The following HAUS2 variants were observed in gnomAD, a reference collection of about 807,000 sequenced individuals.
The protein encoded by HAUS2 is HAUS augmin like complex subunit 2, also known as HAUS augmin-like complex subunit 2.
A neutral mutation model predicts 21.6 loss-of-function variants in HAUS2; 20 were observed. The ratio of observed to expected loss-of-function variants is 0.93; its 90% CI spans 0.65 to 1.35. The LOEUF is 1.35. HAUS2 is among the 40% of genes most tolerant of loss of function. The probability of loss-of-function intolerance (pLI) is 0.00; values close to 1 mark genes in which losing one functional copy is unlikely to be tolerated. For missense variants in HAUS2, 297 were observed against 280.7 expected, an observed-to-expected ratio of 1.06 and a Z score of -0.42; for synonymous variants, 113 against 95.6, an observed-to-expected ratio of 1.18 and a Z score of -1.06.
intron 1 of HAUS2, among the ~76,000 whole-genome samples, chr15:42,556,324 T>C (rs867914344): frequency 7.4e-6 from 1 of 135,706 alleles, no homozygotes; most frequent in Non-Finnish European, 1.5e-5. Context: ...TAGAGTGCAG[T>C]GGCAATCTCA....
chr15:42,553,680 T>A (rs1040127476), intron 1 of HAUS2, among the ~76,000 whole-genome samples: 3 of 152,212 alleles, frequency 2.0e-5, no homozygotes, highest in Non-Finnish European at 4.4e-5. Context: ...TTCTCTTGCA[T>A]GTTCTTAGCT....
At chr15:42,556,773 G>C (rs114268592) in intron 1 of HAUS2, among the ~76,000 whole-genome samples, 7,027 of 151,464 alleles carry the variant, frequency 0.046, 555 homozygotes, top group African/African-American at 0.16. Flanking sequence ...GGGAGGCTGA[G>C]GCGGGTGGAT....
intron 5 of HAUS2, among the ~76,000 whole-genome samples, chr15:42,565,630 T>G (rs1346960306): frequency 6.6e-6 from 1 of 152,142 alleles, no homozygotes; most frequent in Non-Finnish European, 1.5e-5. Context: ...GAATCTACGT[T>G]TTAACAAGTT....
intron 1 of HAUS2, among the ~76,000 whole-genome samples, chr15:42,550,316 G>A (rs1013088978): frequency 3.3e-4 from 49 of 146,886 alleles, no homozygotes; most frequent in Non-Finnish European, 6.3e-4. Context: ...CTACAAACAT[G>A]ATGGAAGATT....
At chr15:42,557,518 T>TACATTGTATATAATGTATATTAGATATA (rs2057800268) in intron 1 of HAUS2, among the ~76,000 whole-genome samples, 1 of 142,480 alleles carries the variant, frequency 7.0e-6, no homozygotes, top group African/African-American at 2.6e-5. Flanking sequence ...ATATATTATA[T>TACATTGTATATAATGTATATTAGATATA]ATATATGAAG....
rs748363048 is a variant in HAUS2 at position 42,566,672 on chromosome 15, C to T, written c.564C>T (p.Leu188=). Reference sequence around the variant, plus strand: ...CAGAAGAACTGGCAGAGAATATACTCAAGTGGCGTAAACAACAAAACGAAG... The same window carrying T: ...CAGAAGAACTGGCAGAGAATATACTTAAGTGGCGTAAACAACAAAACGAAG... ...TETEELAENI[L]KWRKQQNEVS... Residue 188 remains leucine (L), a synonymous_variant, in exon 6 of 6, where the codon CTC becomes CTT. Coordinates refer to ENST00000260372, the MANE Select transcript of HAUS2 (RefSeq NM_018097.3). The T allele has an allele frequency of 6.2e-7, 1 of 1,605,708 alleles. No individual in the cohort carries two copies. Among genetic ancestry groups the T allele is most frequent in the African/African-American group, 1.3e-5 (1 of 74,708 alleles).
chr15:42,565,262 G>C (rs1476234329), intron 5 of HAUS2, among the ~76,000 whole-genome samples: 1 of 152,222 alleles, frequency 6.6e-6, no homozygotes, highest in Non-Finnish European at 1.5e-5. Flanking sequence ...GGGGAAAAGT[G>C]ATACTCCACT....
At chr15:42,552,805 C>T (rs181625416) in intron 1 of HAUS2, among the ~76,000 whole-genome samples, 271 of 152,212 alleles carry the variant, frequency 1.8e-3, no homozygotes, top group Non-Finnish European at 2.3e-3. Context: ...GTGTCCTACT[C>T]TCCTCTATAC....
chr15:42,554,443 A>G (rs1431208570), intron 1 of HAUS2, among the ~76,000 whole-genome samples: 2 of 149,814 alleles, frequency 1.3e-5, no homozygotes, highest in African/African-American at 4.9e-5. Context: ...ACTATTCCCT[A>G]TTCCCTCCTC....
chr15:42,551,411 C>T (rs935699214), intron 1 of HAUS2, among the ~76,000 whole-genome samples: 1 of 151,646 alleles, frequency 6.6e-6, no homozygotes, highest in African/African-American at 2.4e-5. Flanking sequence ...GAGGCCGAGG[C>T]GGGTGGATCA....
At chr15:42,558,312 T>TTA in intron 2 of HAUS2, 22 bp downstream of exon 2, 15 of 805,782 alleles carry the variant, frequency 1.9e-5, no homozygotes, top group Non-Finnish European at 3.0e-5. Flanking sequence ...TGTTTTCACT[T>TTA]TCTTTTTTTT....
At chr15:42,550,565 A>G (rs2057714266) in intron 1 of HAUS2, among the ~76,000 whole-genome samples, 1 of 152,100 alleles carries the variant, frequency 6.6e-6, no homozygotes, top group African/African-American at 2.4e-5. Context: ...TTTGTTGAAC[A>G]CCCATTGTCT....
At chr15:42,551,138 G>C (rs1278943466) in intron 1 of HAUS2, among the ~76,000 whole-genome samples, 1 of 151,464 alleles carries the variant, frequency 6.6e-6, no homozygotes, top group Non-Finnish European at 1.5e-5. Context: ...ACAGGCACCT[G>C]CCATCACACC....
rs557990385 is a variant in HAUS2, at chr15:42,559,916, T to C, written c.256+508T>C. Among the ~76,000 whole-genome samples, 27 of 152,230 alleles carry C rather than the reference T, an allele frequency of 1.8e-4. No individual in the cohort carries two copies. The East Asian group carries it at 4.6e-3, about 26-fold the overall frequency. On this transcript the variant is annotated intron_variant, in intron 3 of 5. Coordinates refer to ENST00000260372, the MANE Select transcript of HAUS2 (RefSeq NM_018097.3). Reference sequence around the variant, plus strand: ...AGTCACGCCTGTAAACCCAGCACTTTGGGAGGCCAAGGTGGGTGGATTGCT... The same window carrying C: ...AGTCACGCCTGTAAACCCAGCACTTCGGGAGGCCAAGGTGGGTGGATTGCT...
intron 1 of HAUS2, among the ~76,000 whole-genome samples, chr15:42,554,544 G>A (rs754463140): frequency 4.0e-5 from 6 of 149,592 alleles, no homozygotes; most frequent in Non-Finnish European, 8.9e-5. Flanking sequence ...AGGCTGGAGT[G>A]CAGTAGTGCG....
At chr15:42,561,182 A>G (rs191412238) in intron 3 of HAUS2, 88 bp from the exon 4 acceptor site, 3 of 757,048 alleles carry the variant, frequency 4.0e-6, no homozygotes, top group Admixed American at 4.5e-5. Flanking sequence ...AATTTTTGAC[A>G]TGGGTAGTGT....
At chr15:42,555,629 G>C (rs373263495) in intron 1 of HAUS2, among the ~76,000 whole-genome samples, 2 of 152,200 alleles carry the variant, frequency 1.3e-5, no homozygotes, top group East Asian at 3.9e-4. Flanking sequence ...CATTTGTAAT[G>C]TTTTTGATCT....
intron 1 of HAUS2, among the ~76,000 whole-genome samples, chr15:42,554,770 G>T (rs1261145114): frequency 6.6e-6 from 1 of 151,650 alleles, no homozygotes; most frequent in Non-Finnish European, 1.5e-5. Context: ...GATTACAGGT[G>T]TGAGCCACCA....
chr15:42,552,802 A>G (rs2057738454), intron 1 of HAUS2, among the ~76,000 whole-genome samples: 9 of 151,190 alleles, frequency 6.0e-5, no homozygotes, highest in Admixed American at 5.9e-4. Flanking sequence ...CTTGTGTCCT[A>G]CTCTCCTCTA....
Sources: gnomAD v4.1 joint callset for allele counts (sites outside exome capture counted in the v4.1 genomes callset) on GRCh38, gnomAD v4.1.1 for gene constraint, MANE v1.5 for transcripts, NCBI Gene and HGNC (gene_info 2026-07-23, HGNC 2026-07-21) for gene names.